Variants in PAXBP1 observed in about 807,000 individuals in gnomAD.
The protein encoded by PAXBP1 is PAX3 and PAX7 binding protein 1, also known as PAX3- and PAX7-binding protein 1.
PAXBP1 carries 44 observed loss-of-function variants against 119.9 expected under a neutral mutation model. That is an observed-to-expected ratio of 0.37 (90% CI 0.29 to 0.47). The LOEUF is 0.47. Among genes scored for constraint, PAXBP1 ranks in the 20% least tolerant of loss-of-function variants. PAXBP1 has a pLI of 0.99. For missense variants in PAXBP1, 898 were observed against 1,134.1 expected, an observed-to-expected ratio of 0.79 and a Z score of 2.99; for synonymous variants, 393 against 406.6, an observed-to-expected ratio of 0.97 and a Z score of 0.40.
intron 11 of PAXBP1, among the ~76,000 whole-genome samples, chr21:32,747,556 T>G (rs527507837): frequency 8.5e-5 from 13 of 152,338 alleles, no homozygotes; most frequent in South Asian, 2.1e-4. Flanking sequence ...GTGAGCTGAA[T>G]GCTTCTCAGA....
At chr21:32,759,659 T>C in intron 6 of PAXBP1, 118 bp downstream of exon 6, 3 of 864,558 alleles carry the variant, frequency 3.5e-6, no homozygotes, top group East Asian at 2.4e-5. Flanking sequence ...GTTTAGCTTT[T>C]GAAGCTGGGC....
Position 32,771,618 on chromosome 21 carries a change from T to C in PAXBP1, c.51A>G (p.Glu17=). 2 of 1,464,554 alleles carry C rather than the reference T, an allele frequency of 1.4e-6. No homozygotes were observed. Among genetic ancestry groups the C allele is most frequent in the Non-Finnish European group, 1.8e-6 (2 of 1,113,774 alleles). The allele number at this position is 1,464,554 out of a possible 1,614,324, so 90.7% of individuals were successfully genotyped here. ...CCTCATCGCGTTCCCGCTCTTCCTC[T>C]TCGGAGTCGTTCCGCTTGCGCACGT... The part of the protein sequence containing the change: ...RVNVRKRNDS[E]EEERERDEEQ... The change falls in exon 1 of 18, where the codon GAA becomes GAG. Residue 17 remains glutamate, a synonymous_variant. Coordinates refer to ENST00000331923, the MANE Select transcript of PAXBP1 (RefSeq NM_016631.4).
At chr21:32,735,220 TA>T (rs796083856) in intron 17 of PAXBP1, among the ~76,000 whole-genome samples, 153 bp from the exon 18 acceptor site, 1,498 of 144,398 alleles carry the variant, frequency 0.01, 20 homozygotes, top group African/African-American at 0.033. Context: ...TACAGCATGT[TA>T]AAAAAAAAAA....
chr21:32,771,371 C>G lies in PAXBP1; in HGVS notation c.298G>C (p.Glu100Gln), dbSNP rs752553582. The G allele has an allele frequency of 6.3e-7, 1 of 1,583,980 alleles. No individual in the cohort carries two copies. Among genetic ancestry groups the G allele is most frequent in the Non-Finnish European group, 8.5e-7 (1 of 1,173,002 alleles). ...KPRKRPRENK[E>Q]VPRASLLSFQ... is the part of the protein sequence containing the mutation. ...CTGAGCAGGCTGGCCCGGGGCACCT[C>G]TTTGTTCTCGCGAGGCCTCTTGCGC... Residue 100 changes from glutamate to glutamine, a missense_variant, in exon 1 of 18, where the codon GAG becomes CAG. Coordinates refer to ENST00000331923, the MANE Select transcript of PAXBP1 (RefSeq NM_016631.4).
chr21:32,743,580 G>A, intron 14 of PAXBP1, 98 bp downstream of exon 14: 2 of 914,876 alleles, frequency 2.2e-6, no homozygotes, highest in Non-Finnish European at 3.5e-6. Context: ...CACTACATGG[G>A]TGAAGTTTGT....
intron 2 of PAXBP1, among the ~76,000 whole-genome samples, chr21:32,769,539 C>T (rs189668570): frequency 6.6e-6 from 1 of 152,304 alleles, no homozygotes; most frequent in East Asian, 1.9e-4. Flanking sequence ...CCTTCTTTCT[C>T]TGTTCAACAG....
Position 32,735,080 on chromosome 21 carries a change from A to T in PAXBP1, c.2637-13T>A, listed in dbSNP as rs1435694896. On this transcript the variant is annotated splice_polypyrimidine_tract_variant and intron_variant, in intron 17 of 17. Transcript: ENST00000331923. ...TTTTATGTTTTCCCTAAAAGAAAAA[A>T]ATATAGCAGCATCTCATTAATTAGT... is the stretch of plus-strand genomic sequence containing the variant. 2 of 1,572,838 alleles carry T rather than the reference A, an allele frequency of 1.3e-6. No homozygotes were observed. Among genetic ancestry groups the T allele is most frequent in the Non-Finnish European group, 1.7e-6 (2 of 1,145,624 alleles).
At position 32,748,498 on chromosome 21, in the gene PAXBP1, C is replaced by T; in HGVS notation, c.1923+1G>A. On this transcript the variant is annotated splice_donor_variant, in intron 11 of 17. Coordinates refer to ENST00000331923, the MANE Select transcript of PAXBP1 (RefSeq NM_016631.4). LOFTEE classifies it high-confidence loss of function. ...TTCTAATAGTGACAGAAGCCACTCA[C>T]CTCAAGAGGAGTCCAAGTGAGGAGC... The T allele has an allele frequency of 6.2e-7, 1 of 1,611,814 alleles. No individual in the cohort carries two copies. The highest frequency in any genetic ancestry group is 8.5e-7 in the Non-Finnish European group (1 of 1,178,856).
At chr21:32,748,723 G>A in intron 10 of PAXBP1, 25 bp from the exon 11 acceptor site, 1 of 1,592,972 alleles carries the variant, frequency 6.3e-7, no homozygotes. Flanking sequence ...ACCCCACAGA[G>A]AACCATACAT....
In PAXBP1 at chr21:32,737,399, A is replaced by C; in HGVS notation, c.2491T>G (p.Cys831Gly). ...SIKKAQNVIN[C>G]FPKQWFMNLK... ...TTCATGAACCATTGTTTGGGGAAAC[A>C]ATTGATTACCTGTGGAGAAGAAAGA... Residue 831 changes from cysteine to glycine, a missense_variant, in exon 17 of 18, where the codon TGT becomes GGT. By Grantham distance (159) the Cys-to-Gly change is radical. This residue lies in a region of PAXBP1 where 599 missense variants were observed against 852.7 expected (regional missense o/e 0.70). Transcript: ENST00000331923. 3 of 1,600,388 alleles carry C rather than the reference A, an allele frequency of 1.9e-6. No homozygotes were observed. Among genetic ancestry groups the C allele is most frequent in the Non-Finnish European group, 2.6e-6 (3 of 1,175,760 alleles).
At chr21:32,740,747 T>C (rs1249916397) in intron 15 of PAXBP1, among the ~76,000 whole-genome samples, 1 of 151,956 alleles carries the variant, frequency 6.6e-6, no homozygotes, top group Non-Finnish European at 1.5e-5. Context: ...AAAGATCAAC[T>C]GGACTTCATC....
At position 32,764,517 on chromosome 21, in the gene PAXBP1, T is replaced by G; in HGVS notation, c.480A>C (p.Gln160His). 1 of 1,585,380 alleles carries G rather than the reference T, an allele frequency of 6.3e-7. No individual in the cohort carries two copies. The highest frequency in any genetic ancestry group is 1.2e-5 in the South Asian group (1 of 83,058). Reference sequence around the variant, plus strand: ...TAACATGTCCTGTTTTGTCCAAAGGTTGTTCACCTAAATTTTTGAAGAATT... The same window carrying G: ...TAACATGTCCTGTTTTGTCCAAAGGGTGTTCACCTAAATTTTTGAAGAATT... Reference protein sequence around the residue: ...TELNSSAESEQPLDKTGHVKD... With the variant: ...TELNSSAESEHPLDKTGHVKD... The change falls in exon 3 of 18, where the codon CAA (glutamine) becomes CAC (histidine). Residue 160 changes from glutamine (Q) to histidine (H), a missense_variant. Coordinates refer to ENST00000331923, the MANE Select transcript of PAXBP1 (RefSeq NM_016631.4).
intron 10 of PAXBP1, 117 bp downstream of exon 10, chr21:32,750,800 A>C: frequency 1.4e-6 from 1 of 728,368 alleles, no homozygotes; most frequent in Non-Finnish European, 2.2e-6. Flanking sequence ...GCAATTAAAA[A>C]AGAAGTGTCT....
chr21:32,759,711 G>T, intron 6 of PAXBP1, 66 bp downstream of exon 6: 1 of 1,345,752 alleles, frequency 7.4e-7, no homozygotes, highest in Non-Finnish European at 1.1e-6. Context: ...TGCTACCCCA[G>T]ACTACATGTT....
intron 10 of PAXBP1, among the ~76,000 whole-genome samples, chr21:32,749,925 C>A (rs994532520): frequency 6.6e-6 from 1 of 152,028 alleles, no homozygotes; most frequent in Admixed American, 6.5e-5. Flanking sequence ...AATGTCATAA[C>A]CAAATGCAGA....
chr21:32,744,644 G>A (rs1341857784), intron 13 of PAXBP1, 148 bp downstream of exon 13: 1 of 717,392 alleles, frequency 1.4e-6, no homozygotes, highest in Non-Finnish European at 2.1e-6. Context: ...CTCAAATTTT[G>A]TGTATTTCAG....
chr21:32,765,854 T>C (rs1168081603), intron 2 of PAXBP1, among the ~76,000 whole-genome samples: 2 of 150,360 alleles, frequency 1.3e-5, no homozygotes, highest in African/African-American at 2.5e-5. Flanking sequence ...TCTAAACCCA[T>C]GCTAGGCCAG....
intron 15 of PAXBP1, among the ~76,000 whole-genome samples, 196 bp from the exon 16 acceptor site, chr21:32,738,515 C>T (rs1048145649): frequency 9.9e-5 from 15 of 152,096 alleles, no homozygotes; most frequent in Non-Finnish European, 5.9e-5. Context: ...TAGTCAAAAT[C>T]GAAACAGCCA....
Position 32,762,233 on chromosome 21 carries a change from T to G in PAXBP1, c.734A>C (p.Asp245Ala). 1 of 1,614,188 alleles carries G rather than the reference T, an allele frequency of 6.2e-7. No individual in the cohort carries two copies. The highest frequency in any genetic ancestry group is 2.2e-5 in the East Asian group (1 of 44,888). ...AAGGCGGCCTTTACCAGGCTCATTA[T>G]CATGAGGAGTGAAATCTCCCAATTC... is the stretch of plus-strand genomic sequence containing the variant. Reference protein sequence around the residue: ...ARELGDFTPHDNEPGKGRLVR... With the variant: ...ARELGDFTPHANEPGKGRLVR... Residue 245 changes from aspartate (D) to alanine (A), a missense_variant, in exon 4 of 18, where the codon GAT (aspartate) becomes GCT (alanine). Physicochemically the swap from Asp to Ala is moderately radical, Grantham distance 126 (BLOSUM62 -2). Around this residue, in one of 2 missense-constraint regions of PAXBP1, gnomAD observed 599 missense variants for 852.7 expected, o/e 0.70. Transcript: ENST00000331923.
Sources: gnomAD v4.1 joint callset for allele counts (sites outside exome capture counted in the v4.1 genomes callset) on GRCh38, gnomAD v4.1.1 for gene constraint, gnomAD v4.1.1 regional missense constraint, MANE v1.5 for transcripts, NCBI Gene and HGNC (gene_info 2026-07-23, HGNC 2026-07-21) for gene names.